Variants in DAAM1 observed in about 807,000 individuals in gnomAD.
DAAM1 encodes disheveled-associated activator of morphogenesis 1.
In DAAM1, 52 loss-of-function variants were observed where a neutral mutation model predicts 130.0. The ratio of observed to expected loss-of-function variants is 0.40; its 90% CI spans 0.32 to 0.50. The LOEUF is 0.50. DAAM1 is among the 20% of genes least tolerant of loss of function. The pLI, the probability that DAAM1 is intolerant of heterozygous loss-of-function variation, is 0.61. For synonymous variants in DAAM1, 452 were observed against 444.5 expected (o/e 1.02, Z -0.21); for missense variants, 1,134 against 1,303.8 (o/e 0.87, Z 2.01).
At chr14:59,325,259 C>T (rs566141755) in intron 8 of DAAM1, among the ~76,000 whole-genome samples, 1 of 152,204 alleles carries the variant, frequency 6.6e-6, no homozygotes, top group South Asian at 2.1e-4. Context: ...AGTAGGAGCT[C>T]AATACATATG....
chr14:59,333,801 C>T (rs2139639802), intron 15 of DAAM1, among the ~76,000 whole-genome samples: 1 of 152,218 alleles, frequency 6.6e-6, no homozygotes, highest in East Asian at 1.9e-4. Flanking sequence ...TTACAAGACT[C>T]ATAATTAACT....
chr14:59,260,168 G>A (rs117177320), intron 1 of DAAM1, among the ~76,000 whole-genome samples: 3,218 of 152,324 alleles, frequency 0.021, 69 homozygotes, highest in Non-Finnish European at 0.028. Context: ...TGAAAAGCTG[G>A]TATGTAGATT....
intron 16 of DAAM1, among the ~76,000 whole-genome samples, chr14:59,345,371 G>A (rs1039003384): frequency 1.3e-5 from 2 of 152,178 alleles, no homozygotes; most frequent in Non-Finnish European, 2.9e-5. Context: ...GCTCACATAA[G>A]GTGATAGAAC....
intron 1 of DAAM1, among the ~76,000 whole-genome samples, chr14:59,246,794 C>G (rs1236087813): frequency 6.6e-6 from 1 of 152,084 alleles, no homozygotes; most frequent in East Asian, 1.9e-4. Flanking sequence ...TTGCGTTGCT[C>G]TAATGATTAG....
chr14:59,224,839 C>T (rs146837741), intron 1 of DAAM1, among the ~76,000 whole-genome samples: 2 of 152,212 alleles, frequency 1.3e-5, no homozygotes, highest in East Asian at 3.9e-4. Context: ...GATGGCTCTG[C>T]CCTCATGAAT....
At chr14:59,231,116 AAT>A (rs1424976575) in intron 1 of DAAM1, among the ~76,000 whole-genome samples, 1 of 152,164 alleles carries the variant, frequency 6.6e-6, no homozygotes, top group Non-Finnish European at 1.5e-5. Flanking sequence ...AACACACAAG[AAT>A]ATATTCATTT....
At chr14:59,294,953 G>T (rs1345997527) in intron 3 of DAAM1, among the ~76,000 whole-genome samples, 2 of 152,212 alleles carry the variant, frequency 1.3e-5, no homozygotes, top group Non-Finnish European at 2.9e-5. Context: ...AGCACAGGAA[G>T]AAATCATCTT....
intron 3 of DAAM1, among the ~76,000 whole-genome samples, chr14:59,303,484 G>C (rs1401080358): frequency 6.6e-6 from 1 of 152,156 alleles, no homozygotes; most frequent in African/African-American, 2.4e-5. Context: ...GTTAGCGATG[G>C]AGTACTAATA....
intron 2 of DAAM1, among the ~76,000 whole-genome samples, chr14:59,277,954 T>A (rs1002668837): frequency 1.9e-4 from 29 of 152,270 alleles, no homozygotes; most frequent in African/African-American, 6.3e-4. Flanking sequence ...AAACCACAGA[T>A]AGTACTGAAC....
chr14:59,256,341 G>A (rs1472367324), intron 1 of DAAM1, among the ~76,000 whole-genome samples: 1 of 152,174 alleles, frequency 6.6e-6, no homozygotes, highest in Non-Finnish European at 1.5e-5. Flanking sequence ...TTTGGCCTCA[G>A]TTTTTGACTG....
In DAAM1 at chr14:59,291,317, C is replaced by T. The variant is rs1175008524; in HGVS notation, c.273+11C>T. On this transcript the variant is annotated intron_variant, in intron 3 of 24. Coordinates refer to ENST00000360909, the MANE Select transcript of DAAM1 (RefSeq NM_001270520.2). Reference sequence around the variant, plus strand: ...TGTAGCAAGAAAAAGGTAAGATTTTCATTGTGATTATGGTTAACTGGAAAA... The same window carrying T: ...TGTAGCAAGAAAAAGGTAAGATTTTTATTGTGATTATGGTTAACTGGAAAA... 6.3e-7 allele frequency: 1 copy of T among 1,586,684 alleles called. No homozygotes were observed. Among genetic ancestry groups the T allele is most frequent in the Non-Finnish European group, 8.6e-7 (1 of 1,164,234 alleles).
At chr14:59,325,308 A>G (rs1449077035) in intron 8 of DAAM1, among the ~76,000 whole-genome samples, 1 of 152,182 alleles carries the variant, frequency 6.6e-6, no homozygotes, top group Admixed American at 6.5e-5. Flanking sequence ...TTCTTTTGTG[A>G]TCTTTAATTC....
chr14:59,222,903 A>G (rs1888823393), intron 1 of DAAM1, among the ~76,000 whole-genome samples: 1 of 152,196 alleles, frequency 6.6e-6, no homozygotes, highest in Admixed American at 6.5e-5. Flanking sequence ...CTTTCAAGCA[A>G]AGTGCACAAC....
intron 12 of DAAM1, among the ~76,000 whole-genome samples, chr14:59,328,680 C>G (rs999827097): frequency 2.0e-5 from 3 of 152,158 alleles, no homozygotes; most frequent in African/African-American, 7.2e-5. Context: ...GATTAAATGA[C>G]AAAACAAATA....
At chr14:59,345,651 T>C (rs1886044617) in intron 16 of DAAM1, among the ~76,000 whole-genome samples, 1 of 152,172 alleles carries the variant, frequency 6.6e-6, no homozygotes, top group African/African-American at 2.4e-5. Context: ...GGGCTTCTCT[T>C]CTTTGCTGCC....
intron 3 of DAAM1, among the ~76,000 whole-genome samples, chr14:59,311,179 A>G (rs949411984): frequency 6.6e-6 from 1 of 152,216 alleles, no homozygotes. Flanking sequence ...TAAATATATG[A>G]GTATAGAAAT....
At chr14:59,200,996 C>G (rs1888083907) in intron 1 of DAAM1, among the ~76,000 whole-genome samples, 1 of 151,812 alleles carries the variant, frequency 6.6e-6, no homozygotes, top group Non-Finnish European at 1.5e-5. Flanking sequence ...CCTGTCTCCA[C>G]TAAAAATACA....
intron 2 of DAAM1, among the ~76,000 whole-genome samples, chr14:59,290,151 G>T (rs1883678384): frequency 1.3e-5 from 2 of 152,046 alleles, no homozygotes; most frequent in South Asian, 4.1e-4. Context: ...AAAAATAAAA[G>T]ACTGTGAATT....
intron 2 of DAAM1, among the ~76,000 whole-genome samples, chr14:59,273,925 C>A (rs1882836902): frequency 6.6e-6 from 1 of 152,046 alleles, no homozygotes; most frequent in Non-Finnish European, 1.5e-5. Flanking sequence ...TGCTCAATAC[C>A]ATGGATGGTG....
Sources: allele counts gnomAD v4.1 joint callset (sites outside exome capture counted in the v4.1 genomes callset), GRCh38; gene constraint gnomAD v4.1.1; transcripts MANE v1.5; gene names NCBI Gene and HGNC (gene_info 2026-07-23, HGNC 2026-07-21).